Variants in NKAIN2 observed in about 807,000 individuals in gnomAD.
NKAIN2 encodes the protein sodium/potassium transporting ATPase interacting 2.
Under a neutral mutation model 32.6 loss-of-function variants are expected in NKAIN2, and 14 were observed. The ratio of observed to expected loss-of-function variants is 0.43; its 90% confidence interval spans 0.28 to 0.67. The LOEUF (loss-of-function observed/expected upper bound fraction) is 0.67, where lower values mean the gene tolerates loss of function less well. NKAIN2 is among the 30% of genes least tolerant of loss of function. The pLI is 0.17. For synonymous variants in NKAIN2, 80 were observed against 87.2 expected, an observed-to-expected ratio of 0.92 and a Z score of 0.46; for missense variants, 198 against 258.3, an observed-to-expected ratio of 0.77 and a Z score of 1.60.
intron 1 of NKAIN2, among the ~76,000 whole-genome samples, chr6:124,171,966 C>T (rs1367046741): frequency 3.3e-5 from 5 of 151,822 alleles, no homozygotes; most frequent in Non-Finnish European, 5.9e-5. Context: ...GCACATGCTG[C>T]CACGCCCAGC....
intron 1 of NKAIN2, among the ~76,000 whole-genome samples, chr6:124,037,825 A>G (rs923848759): frequency 2.6e-5 from 4 of 152,148 alleles, no homozygotes; most frequent in African/African-American, 4.8e-5. Context: ...CCATAGAATG[A>G]TGGGAGCAAC....
At chr6:123,967,027 T>C (rs1778113810) in intron 1 of NKAIN2, among the ~76,000 whole-genome samples, 1 of 152,208 alleles carries the variant, frequency 6.6e-6, no homozygotes. Flanking sequence ...AAATGATTAA[T>C]TTAGAGATAT....
chr6:124,672,024 G>A (rs1773129222), intron 4 of NKAIN2, among the ~76,000 whole-genome samples: 1 of 151,676 alleles, frequency 6.6e-6, no homozygotes, highest in African/African-American at 2.4e-5. Flanking sequence ...AAACAAAAAA[G>A]AGAGAAGAAA....
At chr6:124,386,146 G>A (rs1005197561) in intron 3 of NKAIN2, among the ~76,000 whole-genome samples, 1 of 152,104 alleles carries the variant, frequency 6.6e-6, no homozygotes, top group Admixed American at 6.6e-5. Flanking sequence ...GATGCCTAAT[G>A]ATTTCCCGTT....
At chr6:124,806,229 C>T (rs894615716) in intron 5 of NKAIN2, among the ~76,000 whole-genome samples, 4 of 152,116 alleles carry the variant, frequency 2.6e-5, no homozygotes, top group Non-Finnish European at 5.9e-5. Context: ...ATGTTAAGGG[C>T]AGCCAGAGAG....
intron 3 of NKAIN2, among the ~76,000 whole-genome samples, chr6:124,363,672 AT>A (rs1799392945): frequency 6.6e-6 from 1 of 152,208 alleles, no homozygotes; most frequent in South Asian, 2.1e-4. Context: ...GGCAAACCAA[AT>A]ACAGACTGAA....
At chr6:124,566,323 A>G (rs1478419621) in intron 3 of NKAIN2, among the ~76,000 whole-genome samples, 3 of 152,092 alleles carry the variant, frequency 2.0e-5, no homozygotes, top group African/African-American at 7.2e-5. Context: ...TGTCCTCACC[A>G]TTCCTTGTGA....
intron 1 of NKAIN2, among the ~76,000 whole-genome samples, chr6:124,105,580 A>C (rs368345641): frequency 1.7e-4 from 26 of 152,330 alleles, no homozygotes; most frequent in African/African-American, 6.3e-4. Flanking sequence ...CTGGAGAAGC[A>C]CAGAGACTTT....
chr6:124,471,876 C>T (rs1172180702), intron 3 of NKAIN2, among the ~76,000 whole-genome samples: 1 of 152,076 alleles, frequency 6.6e-6, no homozygotes, highest in African/African-American at 2.4e-5. Flanking sequence ...AAATGAAATA[C>T]TACTTTATTT....
intron 2 of NKAIN2, among the ~76,000 whole-genome samples, chr6:124,344,189 A>G (rs376850220): frequency 2.0e-5 from 3 of 151,934 alleles, no homozygotes; most frequent in African/African-American, 7.2e-5. Context: ...ACATTGATCT[A>G]TATCTCTGTT....
intron 1 of NKAIN2, among the ~76,000 whole-genome samples, chr6:124,078,577 T>C (rs1392363691): frequency 6.6e-6 from 1 of 152,200 alleles, no homozygotes; most frequent in African/African-American, 2.4e-5. Flanking sequence ...TACCACAGTC[T>C]ATGAACTTAA....
intron 1 of NKAIN2, among the ~76,000 whole-genome samples, chr6:123,942,697 G>A (rs1022751416): frequency 7.9e-5 from 12 of 151,978 alleles, no homozygotes; most frequent in African/African-American, 2.7e-4. Flanking sequence ...TAGCTCTAGG[G>A]TTTCATGACT....
intron 1 of NKAIN2, among the ~76,000 whole-genome samples, chr6:123,895,531 AT>A (rs61213674): frequency 0.043 from 6,474 of 152,254 alleles, 451 homozygotes; most frequent in African/African-American, 0.15. Context: ...TCAGCTGTCC[AT>A]CCATCTAGTG....
chr6:124,732,957 G>A lies in NKAIN2; in HGVS notation c.475-58382G>A, dbSNP rs143627330. 1.3e-4 allele frequency among the ~76,000 whole-genome samples: 20 copies of A among 151,956 alleles called. No homozygotes were observed. The East Asian group carries it at 2.9e-3, about 22-fold the overall frequency. ...GAGTAGGTGAATGGATAAATAAACC[G>A]TGATACATCCATAAAAAGAAATATT... is the stretch of plus-strand genomic sequence containing the variant. On this transcript the variant is annotated intron_variant, in intron 4 of 6. Transcript: ENST00000368417.
chr6:124,218,467 C>T (rs1358555313), intron 1 of NKAIN2, among the ~76,000 whole-genome samples: 1 of 151,992 alleles, frequency 6.6e-6, no homozygotes, highest in African/African-American at 2.4e-5. Context: ...GAATGAAAAA[C>T]ATTTCTTGAT....
At chr6:124,386,372 AT>A (rs1234584830) in intron 3 of NKAIN2, among the ~76,000 whole-genome samples, 1 of 152,110 alleles carries the variant, frequency 6.6e-6, no homozygotes, top group Non-Finnish European at 1.5e-5. Context: ...TTGCCATGAC[AT>A]TTACTGTTGA....
At chr6:124,681,631 G>T (rs1773624135) in intron 4 of NKAIN2, among the ~76,000 whole-genome samples, 1 of 151,954 alleles carries the variant, frequency 6.6e-6, no homozygotes, top group Non-Finnish European at 1.5e-5. Context: ...TGGTTACTTT[G>T]CTTATTGCCA....
chr6:124,475,807 C>T (rs545984917), intron 3 of NKAIN2, among the ~76,000 whole-genome samples: 8 of 152,094 alleles, frequency 5.3e-5, no homozygotes, highest in African/African-American at 1.4e-4. Flanking sequence ...ATTTCTTTCC[C>T]GAAAGCATTT....
chr6:124,140,118 A>G (rs1787061229), intron 1 of NKAIN2, among the ~76,000 whole-genome samples: 1 of 152,236 alleles, frequency 6.6e-6, no homozygotes, highest in Non-Finnish European at 1.5e-5. Flanking sequence ...TGGTTCTAAT[A>G]GAATATTAGA....
Sources: allele counts gnomAD v4.1 joint callset (sites outside exome capture counted in the v4.1 genomes callset), GRCh38; gene constraint gnomAD v4.1.1; transcripts MANE v1.5; gene names NCBI Gene and HGNC (gene_info 2026-07-23, HGNC 2026-07-21).